The following PPP1R12A variants were observed in gnomAD, a reference collection of about 807,000 sequenced individuals.
The protein encoded by PPP1R12A is protein phosphatase 1 regulatory subunit 12A.
PPP1R12A carries 19 observed loss-of-function variants against 139.6 expected under a neutral mutation model. That is an observed-to-expected ratio of 0.14 (90% CI 0.09 to 0.20). The LOEUF (loss-of-function observed/expected upper bound fraction) is 0.20. Ranked by LOEUF, PPP1R12A falls within the 10% of genes least tolerant of loss-of-function variation. The probability of loss-of-function intolerance (pLI) is 1.00; values close to 1 mark genes in which losing one functional copy is unlikely to be tolerated. For missense variants in PPP1R12A, 925 were observed against 1,211.5 expected, an observed-to-expected ratio of 0.76 and a Z score of 3.51; for synonymous variants, 427 against 420.6, an observed-to-expected ratio of 1.02 and a Z score of -0.19.
At position 79,773,668 on chromosome 12, in the gene PPP1R12A, C is replaced by T. The variant is rs1592591424; in HGVS notation, c.*2261G>A. 6.6e-6 allele frequency: 1 copy of T among 152,264 alleles called. No homozygotes were observed. Among genetic ancestry groups the T allele is most frequent in the East Asian group, 1.9e-4 (1 of 5,182 alleles). The allele number at this position is 152,264 out of a possible 1,614,324, so 9.4% of individuals were successfully genotyped here. On this transcript the variant is annotated 3_prime_UTR_variant, in exon 25 of 25. Coordinates refer to ENST00000450142, the MANE Select transcript of PPP1R12A (RefSeq NM_002480.3). The stretch of plus-strand genomic sequence containing the variant: ...AATTAAGATTGCATTTACAGATGTG[C>T]ATGTACAATGCTGTGCAAATTATCA...
At position 79,821,103 on chromosome 12, in the gene PPP1R12A, T is replaced by A; in HGVS notation, c.931A>T (p.Asn311Tyr). ...LIESTANMDN[N>Y]QSQKTFKNKE... ...TTTTTAAAGGTCTTCTGTGACTGAT[T>A]ATTGTCCATATTTGCTGTTGATTCA... is the stretch of plus-strand genomic sequence containing the variant. The change falls in exon 7 of 25, where the codon AAT becomes TAT. Residue 311 changes from asparagine to tyrosine, a missense_variant. Asn to Tyr is a moderately radical substitution (Grantham distance 143, BLOSUM62 -2). Transcript: ENST00000450142. 1 of 1,612,736 alleles carries A rather than the reference T, an allele frequency of 6.2e-7. No homozygotes were observed. The highest frequency in any genetic ancestry group is 8.5e-7 in the Non-Finnish European group (1 of 1,178,996).
intron 14 of PPP1R12A, among the ~76,000 whole-genome samples, chr12:79,799,212 G>A (rs1872811442): frequency 6.6e-6 from 1 of 151,956 alleles, no homozygotes; most frequent in African/African-American, 2.4e-5. Flanking sequence ...GCAGTGGCGC[G>A]ATCTCAGCTC....
At chr12:79,901,694 C>G (rs573436685) in intron 1 of PPP1R12A, among the ~76,000 whole-genome samples, 1 of 152,066 alleles carries the variant, frequency 6.6e-6, no homozygotes, top group South Asian at 2.1e-4. Flanking sequence ...CTTAATTGCT[C>G]AACAATTATT....
chr12:79,925,605 C>T (rs1299027073), intron 1 of PPP1R12A, among the ~76,000 whole-genome samples: 1 of 152,140 alleles, frequency 6.6e-6, no homozygotes, highest in Non-Finnish European at 1.5e-5. Context: ...TCACTTCTTT[C>T]CATGGTTTCT....
intron 3 of PPP1R12A, among the ~76,000 whole-genome samples, chr12:79,833,420 T>C (rs1592685555): frequency 6.6e-6 from 1 of 152,178 alleles, no homozygotes; most frequent in East Asian, 1.9e-4. Context: ...CTACTTGCTA[T>C]TTAATAAACA....
chr12:79,815,307 G>T (rs1351914355), intron 9 of PPP1R12A, among the ~76,000 whole-genome samples: 4 of 152,118 alleles, frequency 2.6e-5, no homozygotes, highest in Non-Finnish European at 5.9e-5. Flanking sequence ...TGGGTGGGCG[G>T]ATCACAAGGT....
At chr12:79,830,251 C>T (rs1877256727) in intron 4 of PPP1R12A, among the ~76,000 whole-genome samples, 1 of 152,046 alleles carries the variant, frequency 6.6e-6, no homozygotes, top group Non-Finnish European at 1.5e-5. Flanking sequence ...TAAGCAAATA[C>T]AATTTTAATT....
In PPP1R12A at chr12:79,795,670, T is replaced by G; in HGVS notation, c.2551A>C (p.Arg851=). The part of the protein sequence containing the change: ...RERRRPREKR[R]STGVSFWTQD... ...GTCCAAAATGAAACTCCTGTAGATCTTCTTTTCTCTCTTGGTCGTCGTCGT... is the reference window on the plus strand; with the variant it reads ...GTCCAAAATGAAACTCCTGTAGATCGTCTTTTCTCTCTTGGTCGTCGTCGT... Residue 851 remains arginine (R), a synonymous_variant, in exon 18 of 25, where the codon AGA becomes CGA. Transcript: ENST00000450142. The G allele has an allele frequency of 2.5e-6, 4 of 1,612,328 alleles. No individual in the cohort carries two copies. The highest frequency in any genetic ancestry group is 2.5e-6 in the Non-Finnish European group (3 of 1,179,364).
At position 79,807,261 on chromosome 12, in the gene PPP1R12A, A is replaced by C. The variant is rs888682483; in HGVS notation, c.1620T>G (p.Asn540Lys). 29 of 1,550,314 alleles carry C rather than the reference A, an allele frequency of 1.9e-5. No individual in the cohort carries two copies. The Admixed American group carries it at 5.5e-4, about 29-fold the overall frequency. Residue 540 changes from asparagine (N) to lysine (K), a missense_variant, in exon 12 of 25, where the codon AAT becomes AAG. This residue lies in a region of PPP1R12A where 403 missense variants were observed against 463.7 expected (regional missense o/e 0.87). Coordinates refer to ENST00000450142, the MANE Select transcript of PPP1R12A (RefSeq NM_002480.3). The part of the protein sequence containing the change: ...RRKWEDDLKK[N>K]SSVNEGSTYH... Reference sequence around the variant, plus strand: ...ACGTTGATCCTTCATTAACTGAGCTATTTTTTTTAAGATCATCTTCCCATT... The same window carrying C: ...ACGTTGATCCTTCATTAACTGAGCTCTTTTTTTTAAGATCATCTTCCCATT...
At chr12:79,807,769 G>C (rs1018784060) in intron 11 of PPP1R12A, among the ~76,000 whole-genome samples, 1 of 152,098 alleles carries the variant, frequency 6.6e-6, no homozygotes, top group Non-Finnish European at 1.5e-5. Context: ...GCCGGGTGCA[G>C]TGGTTCACAC....
Position 79,811,569 on chromosome 12 carries a change from G to A in PPP1R12A, c.1240-1559C>T, listed in dbSNP as rs139375085. ...GGCTCCAATGACCAAGAAAGTTTGCGAACTCTAATATTCTGTGCAATATGA... is the reference window on the plus strand; with the variant it reads ...GGCTCCAATGACCAAGAAAGTTTGCAAACTCTAATATTCTGTGCAATATGA... On this transcript the variant is annotated intron_variant, in intron 9 of 24. Coordinates refer to ENST00000450142, the MANE Select transcript of PPP1R12A (RefSeq NM_002480.3). Among the ~76,000 whole-genome samples, 1,208 of 152,226 alleles carry A rather than the reference G, an allele frequency of 7.9e-3. 8 individuals are homozygous for A. The highest frequency in any genetic ancestry group is 0.014 in the Admixed American group (217 of 15,278).
intron 2 of PPP1R12A, among the ~76,000 whole-genome samples, chr12:79,862,834 A>G (rs1222350206): frequency 2.6e-5 from 4 of 152,208 alleles, no homozygotes; most frequent in South Asian, 2.1e-4. Flanking sequence ...AACGAAATCA[A>G]TGTTTGATTG....
chr12:79,888,095 A>G (rs986137429), intron 1 of PPP1R12A, among the ~76,000 whole-genome samples: 2 of 152,186 alleles, frequency 1.3e-5, no homozygotes, highest in African/African-American at 4.8e-5. Flanking sequence ...TGTCTGCTAC[A>G]GCCAGACACT....
chr12:79,864,730 G>C (rs1051560323), intron 2 of PPP1R12A, among the ~76,000 whole-genome samples: 9 of 152,240 alleles, frequency 5.9e-5, no homozygotes, highest in African/African-American at 2.2e-4. Flanking sequence ...AGAAGAAATG[G>C]ATAAATTCCT....
chr12:79,867,635 A>G (rs1210078682), intron 2 of PPP1R12A, among the ~76,000 whole-genome samples: 1 of 152,184 alleles, frequency 6.6e-6, no homozygotes, highest in African/African-American at 2.4e-5. Flanking sequence ...TGTCTCCCCT[A>G]TAAAAATTGT....
At chr12:79,861,406 G>A (rs752704966) in intron 2 of PPP1R12A, among the ~76,000 whole-genome samples, 26 of 152,120 alleles carry the variant, frequency 1.7e-4, no homozygotes, top group East Asian at 1.9e-4. Context: ...TGCAGAAGAC[G>A]GGTGATTTCT....
Position 79,805,638 on chromosome 12 carries a change from T to C in PPP1R12A, c.1954A>G (p.Thr652Ala). 1.2e-6 allele frequency: 2 copies of C among 1,613,736 alleles called. No individual in the cohort carries two copies. The highest frequency in any genetic ancestry group is 1.7e-6 in the Non-Finnish European group (2 of 1,179,798). Residue 652 changes from threonine (T) to alanine (A), a missense_variant, in exon 14 of 25, where the codon ACT becomes GCT. Transcript: ENST00000450142. ...GTTGTGGAGGAGACAGTGCCAGCAG[T>C]AGTTGTAGTCAGGGTTGTGGTAGAA... ...AASTTTLTTTTAGTVSSTTEV... is the reference protein window; with the variant it reads ...AASTTTLTTTAAGTVSSTTEV...
intron 21 of PPP1R12A, chr12:79,787,985 C>T (rs1233365331): frequency 6.6e-6 from 1 of 152,158 alleles, no homozygotes; most frequent in Non-Finnish European, 1.5e-5. Context: ...TCTCCATTTA[C>T]CCATGAGTAG....
chr12:79,832,650 G>A lies in PPP1R12A; in HGVS notation c.488-159C>T, dbSNP rs1028923768. 4.8e-6 allele frequency: 3 copies of A among 631,150 alleles called. No individual in the cohort carries two copies. The African/African-American group carries it at 5.7e-5, about 12-fold the overall frequency. The allele number at this position is 631,150 out of a possible 1,614,324, so 39.1% of individuals were successfully genotyped here. On this transcript the variant is annotated intron_variant, in intron 3 of 24. Coordinates refer to ENST00000450142, the MANE Select transcript of PPP1R12A (RefSeq NM_002480.3). ...TAACAAGTTGGTTAAACTAAAAAAT[G>A]TGGGGATATTGTAGACCTTGTATTA...
Sources: gnomAD v4.1 joint callset for allele counts (sites outside exome capture counted in the v4.1 genomes callset) on GRCh38, gnomAD v4.1.1 for gene constraint, gnomAD v4.1.1 regional missense constraint, MANE v1.5 for transcripts, NCBI Gene and HGNC (gene_info 2026-07-23, HGNC 2026-07-21) for gene names.